Variants in WWOX observed in about 807,000 individuals in gnomAD.
The protein encoded by WWOX is WW domain-containing oxidoreductase.
In WWOX, 69 loss-of-function variants were observed where a neutral mutation model predicts 46.2. The ratio of observed to expected loss-of-function variants is 1.49; its 90% CI spans 1.23 to 1.82. WWOX has a LOEUF of 1.82. Ranked by LOEUF, WWOX falls within the 40% of genes most tolerant of loss-of-function variation. WWOX has a pLI of 0.00. For synonymous variants in WWOX, 359 were observed against 202.6 expected, an observed-to-expected ratio of 1.77 and a Z score of -6.56; for missense variants, 919 against 542.6, an observed-to-expected ratio of 1.69 and a Z score of -6.89.
chr16:78,620,624 A>T (rs1250277558), intron 8 of WWOX, among the ~76,000 whole-genome samples: 1 of 152,060 alleles, frequency 6.6e-6, no homozygotes, highest in East Asian at 1.9e-4. Flanking sequence ...ACATTTTAGT[A>T]TTTGTCAGTG....
At position 78,502,542 on chromosome 16, in the gene WWOX, T is replaced by C. The variant is rs986119926; in HGVS notation, c.1056+69790T>C. On this transcript the variant is annotated intron_variant, in intron 8 of 8. Transcript: ENST00000566780. ...ATCATTTCTTTTTGTGGCTAAGTAA[T>C]ACGCCATTGTATGGATATACCACAT... is the stretch of plus-strand genomic sequence containing the variant. 3.3e-5 allele frequency among the ~76,000 whole-genome samples: 5 copies of C among 152,368 alleles called. No homozygotes were observed. In the South Asian group the frequency reaches 1.0e-3, roughly 32 times the overall value.
rs1449641229 is a variant in WWOX, at chr16:78,712,335, C to G, written c.1056+279583C>G. 3.9e-5 allele frequency among the ~76,000 whole-genome samples: 6 copies of G among 152,130 alleles called. No homozygotes were observed. In the South Asian group the frequency reaches 1.2e-3, roughly 32 times the overall value. On this transcript the variant is annotated intron_variant, in intron 8 of 8. Coordinates refer to ENST00000566780, the MANE Select transcript of WWOX (RefSeq NM_016373.4). ...TGGCCAACCTGGTGAAACTCTGTCT[C>G]TACTAAAAATACAAAAATTAGCTGG... is the stretch of plus-strand genomic sequence containing the variant.
chr16:78,579,940 A>G (rs2045006769), intron 8 of WWOX, among the ~76,000 whole-genome samples: 1 of 152,196 alleles, frequency 6.6e-6, no homozygotes, highest in Non-Finnish European at 1.5e-5. Context: ...GAATGTTAAA[A>G]TGCAGGTGGC....
At chr16:79,131,496 T>C (rs2049877811) in intron 8 of WWOX, among the ~76,000 whole-genome samples, 1 of 152,132 alleles carries the variant, frequency 6.6e-6, no homozygotes. Flanking sequence ...GCAATACCCC[T>C]GAATGTCCTA....
At chr16:78,352,388 G>T (rs997449033) in intron 5 of WWOX, among the ~76,000 whole-genome samples, 1 of 152,162 alleles carries the variant, frequency 6.6e-6, no homozygotes, top group Non-Finnish European at 1.5e-5. Flanking sequence ...GTGTCAGCAG[G>T]ACACCATTTC....
intron 4 of WWOX, among the ~76,000 whole-genome samples, chr16:78,156,554 C>T (rs76632974): frequency 0.012 from 1,829 of 152,224 alleles, 19 homozygotes; most frequent in African/African-American, 0.028. Context: ...TTATTGAATC[C>T]TACTGGGTGC....
chr16:78,400,027 G>C (rs71396182), intron 6 of WWOX, among the ~76,000 whole-genome samples: 17 of 152,120 alleles, frequency 1.1e-4, no homozygotes, highest in Non-Finnish European at 1.6e-4. Context: ...TTTTAATATT[G>C]TGAGTCCTTT....
chr16:78,712,846 T>C (rs1458628188), intron 8 of WWOX, among the ~76,000 whole-genome samples: 1 of 152,184 alleles, frequency 6.6e-6, no homozygotes, highest in African/African-American at 2.4e-5. Context: ...ATGTTCATGT[T>C]AAATTATTGT....
intron 1 of WWOX, among the ~76,000 whole-genome samples, chr16:78,102,933 G>A (rs1232982053): frequency 1.3e-5 from 2 of 152,160 alleles, no homozygotes; most frequent in African/African-American, 2.4e-5. Flanking sequence ...CACATGACCC[G>A]CTTCCGGCTT....
chr16:78,384,871 C>G (rs1461498913), intron 5 of WWOX, among the ~76,000 whole-genome samples: 1 of 152,138 alleles, frequency 6.6e-6, no homozygotes, highest in South Asian at 2.1e-4. Flanking sequence ...TGCGGTGGCT[C>G]ACGCCTGTAA....
chr16:78,905,587 A>T (rs2151247702), intron 8 of WWOX, among the ~76,000 whole-genome samples: 2 of 152,118 alleles, frequency 1.3e-5, no homozygotes, highest in East Asian at 3.9e-4. Context: ...CACCATATTG[A>T]CCAGGCCGGA....
Position 78,996,895 on chromosome 16 carries a change from C to T in WWOX, c.1057-214713C>T, listed in dbSNP as rs549938232. Among the ~76,000 whole-genome samples, 9 of 152,342 alleles carry T rather than the reference C, an allele frequency of 5.9e-5. No homozygotes were observed. The South Asian group carries it at 1.9e-3, about 32-fold the overall frequency. On this transcript the variant is annotated intron_variant, in intron 8 of 8. Transcript: ENST00000566780. ...TGCTGCAGAGCTGCGTCCACAGTCCCTGCTCCGGAGAAGAGCATTTTGCTT... is the reference window on the plus strand; with the variant it reads ...TGCTGCAGAGCTGCGTCCACAGTCCTTGCTCCGGAGAAGAGCATTTTGCTT...
At chr16:78,765,485 C>G (rs1041508096) in intron 8 of WWOX, among the ~76,000 whole-genome samples, 4 of 152,106 alleles carry the variant, frequency 2.6e-5, no homozygotes, top group Non-Finnish European at 4.4e-5. Context: ...TCGAGACCAG[C>G]CTGGCCAACA....
At chr16:78,404,990 C>T (rs1174819941) in intron 6 of WWOX, among the ~76,000 whole-genome samples, 1 of 152,174 alleles carries the variant, frequency 6.6e-6, no homozygotes, top group African/African-American at 2.4e-5. Flanking sequence ...CCTAGAAAAC[C>T]ATCTTGGAGA....
chr16:78,903,473 G>C (rs542855246), intron 8 of WWOX, among the ~76,000 whole-genome samples: 12 of 152,308 alleles, frequency 7.9e-5, no homozygotes, highest in African/African-American at 2.4e-4. Context: ...GCAAACGTCT[G>C]ATTGGTTGCA....
intron 5 of WWOX, among the ~76,000 whole-genome samples, chr16:78,373,023 C>A (rs978112627): frequency 6.6e-6 from 1 of 152,108 alleles, no homozygotes; most frequent in Non-Finnish European, 1.5e-5. Context: ...GCTTTTTGGA[C>A]TCCAGAATCA....
intron 8 of WWOX, among the ~76,000 whole-genome samples, chr16:78,581,935 T>A (rs988358168): frequency 6.6e-6 from 1 of 152,182 alleles, no homozygotes; most frequent in South Asian, 2.1e-4. Context: ...CCCCCAAATC[T>A]AATCACTCCT....
chr16:78,393,739 C>G (rs997966247), intron 6 of WWOX, among the ~76,000 whole-genome samples: 1 of 151,960 alleles, frequency 6.6e-6, no homozygotes, highest in Non-Finnish European at 1.5e-5. Context: ...CATTTTTGAT[C>G]ATGGATTTTT....
intron 8 of WWOX, among the ~76,000 whole-genome samples, chr16:79,041,253 G>A (rs1447200489): frequency 2.0e-5 from 3 of 152,100 alleles, no homozygotes; most frequent in Non-Finnish European, 4.4e-5. Flanking sequence ...TTAATTCTTG[G>A]CTTTCTTCCT....
Sources: gnomAD v4.1 joint callset for allele counts (sites outside exome capture counted in the v4.1 genomes callset) on GRCh38, gnomAD v4.1.1 for gene constraint, MANE v1.5 for transcripts, NCBI Gene and HGNC (gene_info 2026-07-23, HGNC 2026-07-21) for gene names.